The following AMBRA1 variants were observed in gnomAD, a reference collection of about 807,000 sequenced individuals.
AMBRA1 encodes the protein autophagy and beclin 1 regulator 1.
Under a neutral mutation model 125.4 loss-of-function variants are expected in AMBRA1, and 47 were observed. The ratio of observed to expected loss-of-function variants is 0.37; its 90% confidence interval spans 0.30 to 0.48. The LOEUF is 0.48. Ranked by LOEUF, AMBRA1 falls within the 20% of genes least tolerant of loss-of-function variation. AMBRA1 has a pLI of 0.99. For missense variants in AMBRA1, 1,331 were observed against 1,693.4 expected, an observed-to-expected ratio of 0.79 and a Z score of 3.76; for synonymous variants, 626 against 655.5, an observed-to-expected ratio of 0.95 and a Z score of 0.69.
chr11:46,535,388 C>CA (rs1352761619), intron 7 of AMBRA1, among the ~76,000 whole-genome samples: 1 of 152,118 alleles, frequency 6.6e-6, no homozygotes, highest in Non-Finnish European at 1.5e-5. Context: ...ACAAGCATCT[C>CA]AAAACTTAAC....
rs537108908 is a variant in AMBRA1 at position 46,488,264 on chromosome 11, T to C, written c.2521+5344A>G. Among the ~76,000 whole-genome samples the C allele has an allele frequency of 6.6e-5, 10 of 152,270 alleles. No individual in the cohort carries two copies. In the East Asian group the frequency reaches 7.7e-4, roughly 12 times the overall value. On this transcript the variant is annotated intron_variant, in intron 11 of 17. Coordinates refer to ENST00000683756, the MANE Select transcript of AMBRA1 (RefSeq NM_001387011.1). ...TGACATCAGGAGCTTAAGACCAGCC[T>C]GGCCAATATGGTGAAACCCCATCTC... is the stretch of plus-strand genomic sequence containing the variant.
At chr11:46,573,281 T>A (rs1450993174) in intron 1 of AMBRA1, among the ~76,000 whole-genome samples, 1 of 151,828 alleles carries the variant, frequency 6.6e-6, no homozygotes, top group African/African-American at 2.4e-5. Flanking sequence ...GGCACGCACC[T>A]GTAATCCCAG....
At chr11:46,565,046 C>G (rs2043472612) in intron 1 of AMBRA1, among the ~76,000 whole-genome samples, 1 of 151,998 alleles carries the variant, frequency 6.6e-6, no homozygotes, top group African/African-American at 2.4e-5. Context: ...CACTTGAGTC[C>G]AAGGTTCGAG....
At chr11:46,566,108 T>A (rs888825479) in intron 1 of AMBRA1, among the ~76,000 whole-genome samples, 3 of 152,204 alleles carry the variant, frequency 2.0e-5, no homozygotes, top group Middle Eastern at 3.4e-3. Context: ...AACCATGAAA[T>A]ACTGTGTAGC....
intron 1 of AMBRA1, among the ~76,000 whole-genome samples, chr11:46,579,899 G>GATCT (rs1243150531): frequency 6.6e-6 from 1 of 152,168 alleles, no homozygotes; most frequent in East Asian, 1.9e-4. Context: ...TTTTAGTAGA[G>GATCT]ACAGGGTTTT....
intron 11 of AMBRA1, among the ~76,000 whole-genome samples, chr11:46,490,069 CAG>C (rs1239619952): frequency 1.3e-5 from 2 of 152,226 alleles, no homozygotes; most frequent in Admixed American, 1.3e-4. Context: ...GTGGGAAAGA[CAG>C]TACCTGGTCC....
chr11:46,461,536 T>G (rs184844599), intron 11 of AMBRA1, among the ~76,000 whole-genome samples: 4 of 152,178 alleles, frequency 2.6e-5, no homozygotes, highest in Admixed American at 2.6e-4. Flanking sequence ...ACCAACATAG[T>G]ATGGGGGAGG....
At chr11:46,559,281 AGAGT>A (rs2043254904) in intron 1 of AMBRA1, among the ~76,000 whole-genome samples, 1 of 151,816 alleles carries the variant, frequency 6.6e-6, no homozygotes, top group Non-Finnish European at 1.5e-5. Context: ...CCTGGATGAC[AGAGT>A]GAGACCCTGT....
In AMBRA1 at chr11:46,514,738, G is replaced by C. The variant is rs566363813; in HGVS notation, c.2073-1925C>G. Among the ~76,000 whole-genome samples the C allele has an allele frequency of 4.6e-5, 7 of 151,958 alleles. No homozygotes were observed. In the East Asian group the frequency reaches 1.4e-3, roughly 29 times the overall value. Reference sequence around the variant, plus strand: ...GATCCTCCTGCCTCGGCCTCCCAAAGTCCCAGGATTACAGCCATAAGTCAC... The same window carrying C: ...GATCCTCCTGCCTCGGCCTCCCAAACTCCCAGGATTACAGCCATAAGTCAC... On this transcript the variant is annotated intron_variant, in intron 7 of 17. Transcript: ENST00000683756.
At chr11:46,529,332 G>T (rs1169466974) in intron 7 of AMBRA1, among the ~76,000 whole-genome samples, 2 of 152,234 alleles carry the variant, frequency 1.3e-5, no homozygotes, top group African/African-American at 4.8e-5. Flanking sequence ...GGAGGAGTTT[G>T]TTAATTGTTG....
chr11:46,517,079 C>T (rs1429276739), intron 7 of AMBRA1, among the ~76,000 whole-genome samples: 1 of 150,770 alleles, frequency 6.6e-6, no homozygotes, highest in African/African-American at 2.4e-5. Context: ...CATTGGACAG[C>T]AAGGGGGAAA....
chr11:46,473,836 G>A (rs1357618608), intron 11 of AMBRA1, among the ~76,000 whole-genome samples: 1 of 152,204 alleles, frequency 6.6e-6, no homozygotes, highest in East Asian at 1.9e-4. Flanking sequence ...ATTTTTAGTG[G>A]AGACGGTGTT....
At chr11:46,448,908 C>G (rs972469731) in intron 11 of AMBRA1, among the ~76,000 whole-genome samples, 1 of 152,144 alleles carries the variant, frequency 6.6e-6, no homozygotes, top group Non-Finnish European at 1.5e-5. Context: ...GACAAATAAT[C>G]TAAATAGGCC....
intron 12 of AMBRA1, among the ~76,000 whole-genome samples, chr11:46,438,706 G>A (rs879660696): frequency 2.6e-5 from 4 of 152,030 alleles, no homozygotes; most frequent in Non-Finnish European, 5.9e-5. Flanking sequence ...CTCATCCGCC[G>A]GGTTTCTTAA....
rs187509993 is a variant in AMBRA1, at chr11:46,565,587, G to T, written c.-120-17087C>A. 7.7e-4 allele frequency among the ~76,000 whole-genome samples: 117 copies of T among 152,030 alleles called. No individual in the cohort carries two copies. In the Middle Eastern group the frequency reaches 0.027, roughly 35 times the overall value. On this transcript the variant is annotated intron_variant, in intron 1 of 17. Coordinates refer to ENST00000683756, the MANE Select transcript of AMBRA1 (RefSeq NM_001387011.1). ...CCGGGTGTGGTGGCATGTACCTGCG[G>T]TCCCAGTTACTTAGGAGGCAGAGGT...
In AMBRA1 at chr11:46,543,351, G is replaced by C; in HGVS notation, c.666C>G (p.His222Gln). ...EIPIDGTELSHYRQRALLQSQ... is the reference protein window; with the variant it reads ...EIPIDGTELSQYRQRALLQSQ... ...ATTGCAGGAGGGCACGCTGACGGTA[G>C]TGGGATAATTCTGTTCCATCTATGG... The change falls in exon 7 of 18, where the codon CAC (histidine) becomes CAG (glutamine). Residue 222 changes from histidine (H) to glutamine (Q), a missense_variant. Around this residue, in one of 4 missense-constraint regions of AMBRA1, gnomAD observed 689 missense variants for 776.5 expected, o/e 0.89. Coordinates refer to ENST00000683756, the MANE Select transcript of AMBRA1 (RefSeq NM_001387011.1). 6.2e-7 allele frequency: 1 copy of C among 1,614,046 alleles called. No individual in the cohort carries two copies. The highest frequency in any genetic ancestry group is 1.7e-4 in the Middle Eastern group (1 of 6,058).
chr11:46,481,112 A>G (rs986914452), intron 11 of AMBRA1, among the ~76,000 whole-genome samples: 3 of 152,188 alleles, frequency 2.0e-5, no homozygotes, highest in Non-Finnish European at 4.4e-5. Context: ...TTCCATCTCA[A>G]AAACAAATGA....
At chr11:46,459,685 T>C (rs1949011481) in intron 11 of AMBRA1, among the ~76,000 whole-genome samples, 1 of 149,376 alleles carries the variant, frequency 6.7e-6, no homozygotes, top group African/African-American at 2.5e-5. Context: ...CACTCCAGCC[T>C]GGGCAACAGA....
intron 8 of AMBRA1, 137 bp from the exon 9 acceptor site, chr11:46,508,507 C>T: frequency 1.2e-6 from 1 of 811,002 alleles, no homozygotes; most frequent in South Asian, 1.8e-5. Flanking sequence ...GGGCATTTAA[C>T]TCAACTCACC....
Sources: gnomAD v4.1 joint callset for allele counts (sites outside exome capture counted in the v4.1 genomes callset) on GRCh38, gnomAD v4.1.1 for gene constraint, gnomAD v4.1.1 regional missense constraint, MANE v1.5 for transcripts, NCBI Gene and HGNC (gene_info 2026-07-23, HGNC 2026-07-21) for gene names.